ZNF250: variants seen among roughly 807,000 people sequenced by gnomAD.
ZNF250 encodes the protein zinc finger protein (clone 647).
Under a neutral mutation model 37.1 loss-of-function variants are expected in ZNF250, and 13 were observed. The ratio of observed to expected loss-of-function variants is 0.35; its 90% CI spans 0.23 to 0.56. ZNF250 has a LOEUF of 0.56. Ranked by LOEUF, ZNF250 falls within the 20% of genes least tolerant of loss-of-function variation. ZNF250 has a pLI of 0.87. For missense variants in ZNF250, 474 were observed against 697.9 expected (o/e 0.68, Z 3.61); for synonymous variants, 251 against 265.6 (o/e 0.94, Z 0.54).
chr8:144,898,515 G>A (rs1261901953), intron 1 of ZNF250, among the ~76,000 whole-genome samples: 4 of 152,170 alleles, frequency 2.6e-5, no homozygotes, highest in Non-Finnish European at 5.9e-5. Flanking sequence ...GGAAACACTT[G>A]AGGACACTCA....
chr8:144,883,658 T>C (rs373823203), intron 5 of ZNF250, among the ~76,000 whole-genome samples: 3 of 151,522 alleles, frequency 2.0e-5, no homozygotes, highest in African/African-American at 7.3e-5. Flanking sequence ...GATAATTTCA[T>C]GTGGAGAATG....
At chr8:144,888,027 C>G (rs1832020089) in intron 4 of ZNF250, among the ~76,000 whole-genome samples, 1 of 152,182 alleles carries the variant, frequency 6.6e-6, no homozygotes, top group African/African-American at 2.4e-5. Context: ...CCCTACTCTC[C>G]CCAAGTGGGG....
In ZNF250 at chr8:144,881,344, G is replaced by A; in HGVS notation, c.*171C>T. The A allele has an allele frequency of 1.1e-6, 1 of 951,200 alleles. No individual in the cohort carries two copies. The highest frequency in any genetic ancestry group is 1.5e-6 in the Non-Finnish European group (1 of 683,392). The allele number at this position is 951,200 out of a possible 1,614,324, so 58.9% of individuals were successfully genotyped here. A position where few individuals can be genotyped will look rare whatever the true frequency, so the allele number is the denominator to read the frequency against. On this transcript the variant is annotated 3_prime_UTR_variant, in exon 6 of 6. Transcript: ENST00000417550. ...GAAAATAAAACAGGTAGTCTCTGAA[G>A]TTTTTCCACAGGAACAGCACGCTAA... is the stretch of plus-strand genomic sequence containing the variant.
intron 5 of ZNF250, among the ~76,000 whole-genome samples, chr8:144,883,260 C>T (rs931650808): frequency 2.0e-5 from 3 of 151,826 alleles, no homozygotes; most frequent in Admixed American, 6.6e-5. Flanking sequence ...GTGAGCAAGT[C>T]GGGGTGTGCC....
Position 144,880,752 on chromosome 8 carries a change from T to A in ZNF250, c.*763A>T. ...GGTGGCGCATATCTATAATCCTAGT[T>A]ACTTGGGAGACTGAGGCACAAGAAA... On this transcript the variant is annotated 3_prime_UTR_variant, in exon 6 of 6. Transcript: ENST00000417550. The A allele has an allele frequency of 3.4e-6, 1 of 294,482 alleles. No homozygotes were observed. The allele number at this position is 294,482 out of a possible 1,614,324, so 18.2% of individuals were successfully genotyped here.
rs182792947 is a variant in ZNF250 at position 144,889,348 on chromosome 8, A to G, written c.283+233T>C. ...GCAGCCATGCCCTAACTTCCTCTAC[A>G]TGGCTCTGCACATCAGCTTGTTGAA... On this transcript the variant is annotated intron_variant, in intron 4 of 5. Transcript: ENST00000417550. Among the ~76,000 whole-genome samples, 638 of 152,298 alleles carry G rather than the reference A, an allele frequency of 4.2e-3. 4 individuals carry two copies. Among genetic ancestry groups the G allele is most frequent in the African/African-American group, 0.015 (614 of 41,570 alleles).
At position 144,882,451 on chromosome 8, in the gene ZNF250, G is replaced by A; in HGVS notation, c.732C>T (p.His244=). The A allele has an allele frequency of 4.3e-6, 7 of 1,614,104 alleles. No individual in the cohort carries two copies. The highest frequency in any genetic ancestry group is 1.7e-5 in the Admixed American group (1 of 60,008). ...SSVLSKHRRI[H]TGEKPYECNE... ...TACACTCATAGGGCTTCTCACCTGT[G>A]TGAATTCTCCTGTGTTTACTAAGGA... Residue 244 remains histidine, a synonymous_variant, in exon 6 of 6, where the codon CAC becomes CAT. Coordinates refer to ENST00000417550, the MANE Select transcript of ZNF250 (RefSeq NM_001109689.4). This position sits in a 1 kb window ranked among gnomAD's most constrained non-coding sequence, Gnocchi z 5.5.
In ZNF250 at chr8:144,890,929, C is replaced by G. The variant is rs1832289403; in HGVS notation, c.-54-526G>C. Among the ~76,000 whole-genome samples the G allele has an allele frequency of 6.6e-6, 1 of 152,264 alleles. No homozygotes were observed. Among genetic ancestry groups the G allele is most frequent in the Non-Finnish European group, 1.5e-5 (1 of 68,026 alleles). ...TAGTGCCCCAATGTGGCACCAGGTT[C>G]AACCAGGTATTTGAAGGGGAGGCAT... is the stretch of plus-strand genomic sequence containing the variant. On this transcript the variant is annotated intron_variant, in intron 1 of 5. Coordinates refer to ENST00000417550, the MANE Select transcript of ZNF250 (RefSeq NM_001109689.4). The surrounding 1 kb of genome is among the most constrained non-coding windows in gnomAD (Gnocchi z 5.1).
Position 144,890,302 on chromosome 8 carries a change from G to A in ZNF250, c.42+6C>T. 1 of 1,525,970 alleles carries A rather than the reference G, an allele frequency of 6.6e-7. No homozygotes were observed. Among genetic ancestry groups the A allele is most frequent in the Non-Finnish European group, 8.8e-7 (1 of 1,133,060 alleles). The allele number at this position is 1,525,970 out of a possible 1,614,324, so 94.5% of individuals were successfully genotyped here. On this transcript the variant is annotated splice_donor_region_variant and intron_variant, in intron 2 of 5. Coordinates refer to ENST00000417550, the MANE Select transcript of ZNF250 (RefSeq NM_001109689.4). The surrounding 1 kb of genome is among the most constrained non-coding windows in gnomAD (Gnocchi z 5.1). ...GGGCACTGCATAAGCACTGGGGACA[G>A]CTTACCTGGGGTCCTGCCGGCACTG...
At chr8:144,887,280 A>AAAAAAAAAGG (rs1831962540) in intron 4 of ZNF250, among the ~76,000 whole-genome samples, 1 of 134,406 alleles carries the variant, frequency 7.4e-6, no homozygotes, top group African/African-American at 2.7e-5. Flanking sequence ...AAAAAAAAAA[A>AAAAAAAAAGG]GAGTGGAAAA....
At chr8:144,886,756 G>T in intron 5 of ZNF250, 84 bp downstream of exon 5, 1 of 1,246,888 alleles carries the variant, frequency 8.0e-7, no homozygotes, top group South Asian at 1.3e-5. Flanking sequence ...TCATAGCACC[G>T]AGTCGCCTCT....
chr8:144,882,465 G>C lies in ZNF250; in HGVS notation c.718C>G (p.His240Asp), dbSNP rs774304326. The change falls in exon 6 of 6, where the codon CAC (histidine) becomes GAC (aspartate). Residue 240 changes from histidine (H) to aspartate (D), a missense_variant. Physicochemically the swap from His to Asp is moderately conservative, Grantham distance 81. Coordinates refer to ENST00000417550, the MANE Select transcript of ZNF250 (RefSeq NM_001109689.4). The surrounding 1 kb of genome is among the most constrained non-coding windows in gnomAD (Gnocchi z 5.5). ...TTCTCACCTGTGTGAATTCTCCTGT[G>C]TTTACTAAGGACTGAGCTCTGGCTG... The part of the protein sequence containing the change: ...AFSQSSVLSK[H>D]RRIHTGEKPY... 5 of 1,613,924 alleles carry C rather than the reference G, an allele frequency of 3.1e-6. No individual in the cohort carries two copies. The Admixed American group carries it at 8.3e-5, about 27-fold the overall frequency.
At position 144,877,843 on chromosome 8, in the gene ZNF250, A is replaced by G. The variant is rs1300524198; in HGVS notation, c.*3672T>C. Reference sequence around the variant, plus strand: ...GAATCCAGAATAACTTGTACTGTGTAACTTACGTTGTCCTGTGATACACAG... The same window carrying G: ...GAATCCAGAATAACTTGTACTGTGTGACTTACGTTGTCCTGTGATACACAG... On this transcript the variant is annotated 3_prime_UTR_variant, in exon 6 of 6. Transcript: ENST00000417550. The G allele has an allele frequency of 6.6e-6, 1 of 152,256 alleles. No individual in the cohort carries two copies. The highest frequency in any genetic ancestry group is 1.5e-5 in the Non-Finnish European group (1 of 68,040). The allele number at this position is 152,256 out of a possible 1,614,324, so 9.4% of individuals were successfully genotyped here. A position where few individuals can be genotyped will look rare whatever the true frequency, so the allele number is the denominator to read the frequency against.
chr8:144,895,499 C>T (rs757120847), intron 1 of ZNF250, among the ~76,000 whole-genome samples: 16 of 152,130 alleles, frequency 1.1e-4, no homozygotes, highest in Admixed American at 1.3e-4. Flanking sequence ...TAAGAACAGG[C>T]TTGGCTCAGA....
chr8:144,901,579 T>G (rs1475338640), upstream of ZNF250: 3 of 152,432 alleles, frequency 2.0e-5, no homozygotes, highest in Non-Finnish European at 4.4e-5. The surrounding 1 kb of genome is among the most constrained non-coding windows in gnomAD (Gnocchi z 5.4). Context: ...TTGGCCCGCC[T>G]GCCCGCCCGA....
chr8:144,889,412 C>T (rs1259267600), intron 4 of ZNF250, among the ~76,000 whole-genome samples, 169 bp downstream of exon 4: 1 of 152,238 alleles, frequency 6.6e-6, no homozygotes, highest in African/African-American at 2.4e-5. Context: ...GGGCTGCCAC[C>T]TGATTCAGCA....
At chr8:144,898,263 C>G (rs891393223) in intron 1 of ZNF250, among the ~76,000 whole-genome samples, 1 of 152,040 alleles carries the variant, frequency 6.6e-6, no homozygotes, top group Admixed American at 6.6e-5. Context: ...CGCCATTGCA[C>G]TCCAGCCTGG....
chr8:144,885,318 A>C (rs1831794057), intron 5 of ZNF250, among the ~76,000 whole-genome samples: 1 of 152,100 alleles, frequency 6.6e-6, no homozygotes, highest in Non-Finnish European at 1.5e-5. Context: ...ATGGGGTTTC[A>C]CCATGTTGGC....
At position 144,882,122 on chromosome 8, in the gene ZNF250, C is replaced by T; in HGVS notation, c.1061G>A (p.Arg354Lys). 6.2e-7 allele frequency: 1 copy of T among 1,613,116 alleles called. No homozygotes were observed. The highest frequency in any genetic ancestry group is 8.5e-7 in the Non-Finnish European group (1 of 1,179,718). The change falls in exon 6 of 6, where the codon AGG becomes AAG. Residue 354 changes from arginine (R) to lysine (K), a missense_variant. Arg to Lys is a conservative substitution (Grantham distance 26). This residue lies in a region of ZNF250 where 282 missense variants were observed against 470.4 expected (regional missense o/e 0.60). Transcript: ENST00000417550. This position sits in a 1 kb window ranked among gnomAD's most constrained non-coding sequence, Gnocchi z 5.5. ...GTAGGGCTTCTCCCCGGTGTGGATC[C>T]TCTGGTGCTGCAGCAGTGTCCTCTT... ...SVKRTLLQHQ[R>K]IHTGEKPYTC...
Sources: allele counts gnomAD v4.1 joint callset (sites outside exome capture counted in the v4.1 genomes callset), GRCh38; gene constraint gnomAD v4.1.1; regional missense constraint gnomAD v4.1.1; non-coding constraint Gnocchi (gnomAD v3.1); transcripts MANE v1.5; gene names NCBI Gene and HGNC (gene_info 2026-07-23, HGNC 2026-07-21).